The following TADA2A variants were observed in gnomAD, a reference collection of about 807,000 sequenced individuals.
TADA2A encodes transcriptional adapter 2-alpha.
A neutral mutation model predicts 67.4 loss-of-function variants in TADA2A; 38 were observed. The ratio of observed to expected loss-of-function variants is 0.56; its 90% CI spans 0.44 to 0.74. The LOEUF (loss-of-function observed/expected upper bound fraction) is 0.74. TADA2A is among the 30% of genes least tolerant of loss of function. The pLI is 0.00. For synonymous variants in TADA2A, 192 were observed against 181.6 expected (o/e 1.06, Z -0.46); for missense variants, 454 against 547.0 (o/e 0.83, Z 1.70).
chr17:37,421,590 G>C (rs1351782896), intron 2 of TADA2A, among the ~76,000 whole-genome samples: 1 of 146,516 alleles, frequency 6.8e-6, no homozygotes, highest in Non-Finnish European at 1.5e-5. Flanking sequence ...TTCAAGACCA[G>C]CCTAGGCAAC....
At chr17:37,458,877 T>C (rs1176238932) in intron 9 of TADA2A, among the ~76,000 whole-genome samples, 2 of 151,882 alleles carry the variant, frequency 1.3e-5, no homozygotes, top group African/African-American at 4.8e-5. Context: ...GGGGTTTTGC[T>C]GTGTTGGCCA....
intron 2 of TADA2A, among the ~76,000 whole-genome samples, chr17:37,413,034 T>G (rs949907232): frequency 6.6e-6 from 1 of 151,708 alleles, no homozygotes; most frequent in Non-Finnish European, 1.5e-5. Flanking sequence ...TTCAAGCAAT[T>G]CTCCGTCTCA....
chr17:37,457,491 C>CTTTTTTT (rs71135729), intron 8 of TADA2A, among the ~76,000 whole-genome samples: 1 of 72,398 alleles, frequency 1.4e-5, no homozygotes, highest in Non-Finnish European at 2.4e-5. Flanking sequence ...AACATTAATT[C>CTTTTTTT]TTTTTTTTTT....
intron 4 of TADA2A, among the ~76,000 whole-genome samples, chr17:37,435,726 C>CG (rs1568150442): frequency 1.3e-5 from 2 of 152,122 alleles, no homozygotes; most frequent in Admixed American, 6.5e-5. Flanking sequence ...ACCACAGGTG[C>CG]GCGCCACCAT....
At chr17:37,446,723 T>C (rs911568174) in intron 8 of TADA2A, among the ~76,000 whole-genome samples, 3 of 152,192 alleles carry the variant, frequency 2.0e-5, no homozygotes, top group Non-Finnish European at 4.4e-5. Context: ...ACATCTATAA[T>C]GTTAATAATG....
At chr17:37,438,819 T>C (rs1445771483) in intron 5 of TADA2A, among the ~76,000 whole-genome samples, 1 of 152,318 alleles carries the variant, frequency 6.6e-6, no homozygotes, top group East Asian at 1.9e-4. Context: ...AGTCTAAACC[T>C]CTCTGTCCTC....
chr17:37,442,579 C>T lies in TADA2A; in HGVS notation c.458C>T (p.Pro153Leu). ...AIPFHSTDDP[P>L]RPTFDSLLSR... ...ATTCTTCCAGCTACAGATGACCCTC[C>T]CCGACCTACCTTTGACTCCTTGCTT... Residue 153 changes from proline to leucine, a missense_variant, in exon 7 of 16, where the codon CCC becomes CTC. This residue lies in a region of TADA2A where 403 missense variants were observed against 455.5 expected (regional missense o/e 0.88). Coordinates refer to ENST00000615182, the MANE Select transcript of TADA2A (RefSeq NM_001166105.3). 4 of 1,613,716 alleles carry T rather than the reference C, an allele frequency of 2.5e-6. No homozygotes were observed. Among genetic ancestry groups the T allele is most frequent in the Non-Finnish European group, 1.7e-6 (2 of 1,179,920 alleles).
At chr17:37,434,548 TC>T (rs1408146010) in intron 4 of TADA2A, among the ~76,000 whole-genome samples, 2 of 152,236 alleles carry the variant, frequency 1.3e-5, no homozygotes, top group African/African-American at 2.4e-5. Context: ...TGTGTTCCTC[TC>T]TCTTCTGTGT....
intron 5 of TADA2A, 126 bp from the exon 6 acceptor site, chr17:37,440,379 T>G: frequency 9.1e-7 from 1 of 1,094,854 alleles, no homozygotes. Flanking sequence ...ATCTTTTTGA[T>G]ATCAATTTGG....
chr17:37,474,095 C>T (rs1431595041), intron 14 of TADA2A, among the ~76,000 whole-genome samples: 1 of 152,120 alleles, frequency 6.6e-6, no homozygotes, highest in African/African-American at 2.4e-5. Context: ...AGGTGATAGT[C>T]GGGCATGGTG....
chr17:37,453,185 A>T (rs1160559205), intron 8 of TADA2A, among the ~76,000 whole-genome samples: 2 of 152,198 alleles, frequency 1.3e-5, no homozygotes, highest in African/African-American at 4.8e-5. Context: ...AGAGAGAGAG[A>T]GAAAAGAAAA....
chr17:37,408,052 A>G (rs541500993), intron 1 of TADA2A: 3 of 151,584 alleles, frequency 2.0e-5, no homozygotes, highest in Non-Finnish European at 2.9e-5. Context: ...ACACCTGGCT[A>G]TTTTTTGTAT....
intron 10 of TADA2A, 75 bp from the exon 11 acceptor site, chr17:37,465,356 A>G (rs1013760622): frequency 5.5e-6 from 1 of 180,664 alleles, no homozygotes; most frequent in Non-Finnish European, 9.9e-6. Context: ...TACTAATTGT[A>G]AAAAAAAAAA....
rs1294367372 is a variant in TADA2A, at chr17:37,477,369, C to T, written c.*387C>T. ...ATTGCGAGGTAAGTTTGCTGATTAT[C>T]TGTCTTGCCTTCAAACACTGCAGAC... On this transcript the variant is annotated 3_prime_UTR_variant, in exon 16 of 16. Coordinates refer to ENST00000615182, the MANE Select transcript of TADA2A (RefSeq NM_001166105.3). The T allele has an allele frequency of 1.1e-5, 2 of 176,118 alleles. No individual in the cohort carries two copies. The highest frequency in any genetic ancestry group is 2.4e-5 in the Non-Finnish European group (2 of 84,560). The allele number at this position is 176,118 out of a possible 1,614,324, so 10.9% of individuals were successfully genotyped here. A position where few individuals can be genotyped will look rare whatever the true frequency, so the allele number is the denominator to read the frequency against.
Position 37,458,640 on chromosome 17 carries a change from TG to T in TADA2A, c.668+54del, listed in dbSNP as rs2053463823. ...CTTTCAGCTTTGGATTATTGTTTTG[TG>T]TGTGTGTGTGTGTGTGTGTGTGTGT... On this transcript the variant is annotated intron_variant, in intron 9 of 15. Transcript: ENST00000615182. 3,198 of 339,970 alleles carry T rather than the reference TG, an allele frequency of 9.4e-3. 54 individuals carry two copies. Among genetic ancestry groups the T allele is most frequent in the East Asian group, 0.092 (482 of 5,240 alleles). 21.1% of individuals were successfully genotyped at this position (339,970 alleles called of 1,614,324 possible).
rs2053643164 is a variant in TADA2A, at chr17:37,465,432, A to G, written c.714A>G (p.Leu238=). Residue 238 remains leucine, a splice_region_variant and synonymous_variant, in exon 11 of 16, where the codon TTA becomes TTG. Coordinates refer to ENST00000615182, the MANE Select transcript of TADA2A (RefSeq NM_001166105.3). ...HGLINLRKFQ[L]MERRYPKEVQ... is the part of the protein sequence containing the mutation. The stretch of plus-strand genomic sequence containing the variant: ...ATTTATGTTTTATTTTCTCTGTAGT[A>G]ATGGAACGGCGGTATCCCAAGGAGG... 1 of 1,609,322 alleles carries G rather than the reference A, an allele frequency of 6.2e-7. No individual in the cohort carries two copies.
intron 14 of TADA2A, among the ~76,000 whole-genome samples, chr17:37,472,739 G>T (rs1488206639): frequency 9.9e-5 from 15 of 152,070 alleles, no homozygotes; most frequent in African/African-American, 3.1e-4. Context: ...GTACACATCT[G>T]TAATCCCAGC....
intron 14 of TADA2A, among the ~76,000 whole-genome samples, chr17:37,472,678 G>A (rs1274129437): frequency 6.6e-6 from 1 of 151,622 alleles, no homozygotes; most frequent in Non-Finnish European, 1.5e-5. Flanking sequence ...CCAACGTGAT[G>A]AAAACCCATC....
At position 37,448,336 on chromosome 17, in the gene TADA2A, A is replaced by G. The variant is rs3794797; in HGVS notation, c.604+3568A>G. Among the ~76,000 whole-genome samples, 508 of 152,330 alleles carry G rather than the reference A, an allele frequency of 3.3e-3. 11 individuals are homozygous for G. In the East Asian group the frequency reaches 0.065, roughly 19 times the overall value. The stretch of plus-strand genomic sequence containing the variant: ...TGGGACACAATGGAGGGATAATTGT[A>G]TTGCAGCCATACCAGAAGGCTTTCA... On this transcript the variant is annotated intron_variant, in intron 8 of 15. Transcript: ENST00000615182.
Sources: allele counts gnomAD v4.1 joint callset (sites outside exome capture counted in the v4.1 genomes callset), GRCh38; gene constraint gnomAD v4.1.1; regional missense constraint gnomAD v4.1.1; transcripts MANE v1.5; gene names NCBI Gene and HGNC (gene_info 2026-07-23, HGNC 2026-07-21).